Variants in SRCIN1 observed in about 807,000 individuals in gnomAD.
SRCIN1 encodes P130Cas-associated protein.
Under a neutral mutation model 116.2 loss-of-function variants are expected in SRCIN1, and 50 were observed. The ratio of observed to expected loss-of-function variants is 0.43; its 90% CI spans 0.34 to 0.54. The LOEUF is 0.54. SRCIN1 is among the 20% of genes least tolerant of loss of function. SRCIN1 has a pLI of 0.02. For synonymous variants in SRCIN1, 736 were observed against 750.0 expected (o/e 0.98, Z 0.30); for missense variants, 1,446 against 1,672.0 (o/e 0.86, Z 2.36).
At position 38,552,668 on chromosome 17, in the gene SRCIN1, G is replaced by A; in HGVS notation, c.2332+57C>T. 6.2e-7 allele frequency: 1 copy of A among 1,613,206 alleles called. No individual in the cohort carries two copies. Among genetic ancestry groups the A allele is most frequent in the Non-Finnish European group, 8.5e-7 (1 of 1,179,774 alleles). On this transcript the variant is annotated intron_variant, in intron 12 of 18. Transcript: ENST00000617146. This position sits in a 1 kb window ranked among gnomAD's most constrained non-coding sequence, Gnocchi z 5.3. ...CTGGGAGGAGAGGATGGTGGCTGGAGTATGGCAGACTTCCCCACCCTGAAC... is the reference window on the plus strand; with the variant it reads ...CTGGGAGGAGAGGATGGTGGCTGGAATATGGCAGACTTCCCCACCCTGAAC...
chr17:38,577,940 C>T (rs1376580969), intron 2 of SRCIN1, among the ~76,000 whole-genome samples: 1 of 152,170 alleles, frequency 6.6e-6, no homozygotes, highest in African/African-American at 2.4e-5. Flanking sequence ...CAGCACGCCA[C>T]GGGGTGGAAC....
At chr17:38,582,929 CT>C (rs761864781) in intron 1 of SRCIN1, among the ~76,000 whole-genome samples, 7 of 152,018 alleles carry the variant, frequency 4.6e-5, no homozygotes, top group Non-Finnish European at 1.0e-4. Flanking sequence ...AGTGACCAGC[CT>C]CCTGGGGGGG....
In SRCIN1 at chr17:38,559,698, G is replaced by A. The variant is rs1237378821; in HGVS notation, c.1912C>T (p.Pro638Ser). 1.3e-6 allele frequency: 2 copies of A among 1,591,358 alleles called. No individual in the cohort carries two copies. Among genetic ancestry groups the A allele is most frequent in the Non-Finnish European group, 1.7e-6 (2 of 1,175,078 alleles). ...CTAACGGCGGTAGGCTGACCTGCGG[G>A]GGTGCTGCTGGCCGAGGGCGGGGGC... ...GPPPPSASST[P>S]AGQPTAVSRL... The change falls in exon 10 of 19, where the codon CCC becomes TCC. Residue 638 changes from proline (P) to serine (S), a missense_variant. This residue lies in a region of SRCIN1 where 398 missense variants were observed against 385.6 expected (regional missense o/e 1.03). Coordinates refer to ENST00000617146, the MANE Select transcript of SRCIN1 (RefSeq NM_025248.3).
chr17:38,561,597 A>C lies in SRCIN1; in HGVS notation c.1566T>G (p.Ser522Arg). ...DSGSSSVFAE[S>R]PGGKTRSAGS... ...CCGCGCTGCGGGTCTTCCCTCCAGG[A>C]CTCTCGGCAAAGACGGACGAGGAGC... Residue 522 changes from serine (S) to arginine (R), a missense_variant, in exon 7 of 19, where the codon AGT becomes AGG. Around this residue, in one of 5 missense-constraint regions of SRCIN1, gnomAD observed 398 missense variants for 385.6 expected, o/e 1.03. Transcript: ENST00000617146. 6.3e-7 allele frequency: 1 copy of C among 1,595,536 alleles called. No individual in the cohort carries two copies. Among genetic ancestry groups the C allele is most frequent in the Admixed American group, 1.7e-5 (1 of 58,548 alleles).
chr17:38,575,064 G>A (rs1168209553), intron 2 of SRCIN1: 2 of 398,838 alleles, frequency 5.0e-6, no homozygotes, highest in African/African-American at 4.1e-5. Context: ...CATTCCTGGG[G>A]CAAGCCTTGG....
At chr17:38,556,870 C>G (rs972269244) in intron 11 of SRCIN1, among the ~76,000 whole-genome samples, 2 of 152,168 alleles carry the variant, frequency 1.3e-5, no homozygotes, top group African/African-American at 4.8e-5. Flanking sequence ...TCTTCTGGCT[C>G]TGTGCTTTTA....
At chr17:38,586,036 A>C (rs957859081) in intron 1 of SRCIN1, among the ~76,000 whole-genome samples, 68 of 152,286 alleles carry the variant, frequency 4.5e-4, no homozygotes, top group African/African-American at 1.4e-3. Context: ...GAGGGAAGAC[A>C]GAGAGGAAGT....
intron 1 of SRCIN1, among the ~76,000 whole-genome samples, chr17:38,599,439 C>G (rs1479970192): frequency 6.6e-6 from 1 of 152,200 alleles, no homozygotes; most frequent in African/African-American, 2.4e-5. Context: ...CCAAACTCTT[C>G]AGGATGCCCA....
chr17:38,569,513 G>A (rs1383216430), intron 2 of SRCIN1, among the ~76,000 whole-genome samples: 3 of 152,170 alleles, frequency 2.0e-5, no homozygotes, highest in Non-Finnish European at 2.9e-5. Context: ...GGGCTGAGTC[G>A]AGGGGCACTC....
At chr17:38,543,306 G>C (rs1449040829) in intron 18 of SRCIN1, among the ~76,000 whole-genome samples, 1 of 152,252 alleles carries the variant, frequency 6.6e-6, no homozygotes, top group Admixed American at 6.5e-5. Flanking sequence ...CCCTTGGCTA[G>C]GGGTGGCCTA....
chr17:38,532,985 A>G lies in SRCIN1; in HGVS notation c.*312T>C, dbSNP rs56395428. On this transcript the variant is annotated 3_prime_UTR_variant, in exon 19 of 19. Transcript: ENST00000617146. This position sits in a 1 kb window ranked among gnomAD's most constrained non-coding sequence, Gnocchi z 4.3. ...GGGGAAAGAGTGGTGAAAGAGAAGA[A>G]GGAGAGATGTGACAGGTGCGGCCAG... The G allele has an allele frequency of 0.23, 47,075 of 200,868 alleles. 8,086 individuals are homozygous for G. Among genetic ancestry groups the G allele is most frequent in the African/African-American group, 0.53 (22,519 of 42,418 alleles). 12.4% of individuals were successfully genotyped at this position (200,868 alleles called of 1,614,324 possible). A position where few individuals can be genotyped will look rare whatever the true frequency, so the allele number is the denominator to read the frequency against.
intron 9 of SRCIN1, 22 bp downstream of exon 9, chr17:38,560,032 G>A (rs1411266500): frequency 1.9e-5 from 29 of 1,523,668 alleles, no homozygotes; most frequent in Non-Finnish European, 2.5e-5. Context: ...AACAAGGATG[G>A]GGGAGGGGGA....
chr17:38,568,173 A>G lies in SRCIN1; in HGVS notation c.345+38T>C. On this transcript the variant is annotated intron_variant, in intron 3 of 18. Transcript: ENST00000617146. The surrounding 1 kb of genome is among the most constrained non-coding windows in gnomAD (Gnocchi z 4.5). ...GGCAGGGGCAGGGGAGGGAGAGCACATGCAGTTGTCATGGGAGCAGAGGCA... is the reference window on the plus strand; with the variant it reads ...GGCAGGGGCAGGGGAGGGAGAGCACGTGCAGTTGTCATGGGAGCAGAGGCA... 1 of 1,611,194 alleles carries G rather than the reference A, an allele frequency of 6.2e-7. No homozygotes were observed. The highest frequency in any genetic ancestry group is 8.5e-7 in the Non-Finnish European group (1 of 1,178,326).
At position 38,563,643 on chromosome 17, in the gene SRCIN1, C is replaced by T. The variant is rs776736175; in HGVS notation, c.542-122G>A. 3.5e-4 allele frequency: 471 copies of T among 1,350,390 alleles called. No individual in the cohort carries two copies. Among genetic ancestry groups the T allele is most frequent in the Non-Finnish European group, 4.5e-4 (444 of 978,094 alleles). The allele number at this position is 1,350,390 out of a possible 1,614,324, so 83.7% of individuals were successfully genotyped here. The stretch of plus-strand genomic sequence containing the variant: ...AGCGGCAGGGTCTGAGGCTAGACGC[C>T]GCCCCCGAGTGCAGATGCACCCAGG... On this transcript the variant is annotated intron_variant, in intron 4 of 18. Coordinates refer to ENST00000617146, the MANE Select transcript of SRCIN1 (RefSeq NM_025248.3). The surrounding 1 kb of genome is among the most constrained non-coding windows in gnomAD (Gnocchi z 5.8).
chr17:38,560,157 G>A, intron 8 of SRCIN1, 60 bp from the exon 9 acceptor site: 1 of 1,470,820 alleles, frequency 6.8e-7, no homozygotes, highest in Non-Finnish European at 9.1e-7. Flanking sequence ...CTTCAGAGCT[G>A]GGTGGAACCT....
In SRCIN1 at chr17:38,561,870, C is replaced by A; in HGVS notation, c.1293G>T (p.Ser431=). 1 of 1,455,820 alleles carries A rather than the reference C, an allele frequency of 6.9e-7. No individual in the cohort carries two copies. The highest frequency in any genetic ancestry group is 9.0e-7 in the Non-Finnish European group (1 of 1,117,220). The allele number at this position is 1,455,820 out of a possible 1,614,324, so 90.2% of individuals were successfully genotyped here. A position where few individuals can be genotyped will look rare whatever the true frequency, so the allele number is the denominator to read the frequency against. The change falls in exon 7 of 19, where the codon TCG becomes TCT. Residue 431 remains serine (S), a synonymous_variant. Transcript: ENST00000617146. ...CCGAGTAGGTGCTGAGCGAGCGCAC[C>A]GAGCCGCGCTTGTAGAGGCCGCCGG... is the stretch of plus-strand genomic sequence containing the variant. ...PGAGGLYKRG[S]VRSLSTYSAA...
intron 18 of SRCIN1, among the ~76,000 whole-genome samples, chr17:38,540,844 T>G (rs1904691972): frequency 6.6e-6 from 1 of 151,696 alleles, no homozygotes; most frequent in South Asian, 2.1e-4. Flanking sequence ...GGGAAATCAG[T>G]TAGAGGTGAC....
At chr17:38,543,069 A>G (rs1363006106) in intron 18 of SRCIN1, 4 of 456,590 alleles carry the variant, frequency 8.8e-6, no homozygotes, top group Admixed American at 2.3e-5. Context: ...CCAGGCCACA[A>G]GGGCAGTAAA....
intron 11 of SRCIN1, among the ~76,000 whole-genome samples, chr17:38,554,891 T>C (rs564579627): frequency 3.3e-4 from 51 of 152,332 alleles, no homozygotes; most frequent in African/African-American, 1.2e-3. Flanking sequence ...ATTTCAGTTC[T>C]ACCATCCAAC....
Sources: allele counts gnomAD v4.1 joint callset (sites outside exome capture counted in the v4.1 genomes callset), GRCh38; gene constraint gnomAD v4.1.1; regional missense constraint gnomAD v4.1.1; non-coding constraint Gnocchi (gnomAD v3.1); transcripts MANE v1.5; gene names NCBI Gene and HGNC (gene_info 2026-07-23, HGNC 2026-07-21).